Variants in KPNA7 observed in about 807,000 individuals in gnomAD.
KPNA7 encodes the protein importin subunit alpha-8.
KPNA7 carries 54 observed loss-of-function variants against 53.7 expected under a neutral mutation model. The ratio of observed to expected loss-of-function variants is 1.01; its 90% confidence interval spans 0.81 to 1.26. The LOEUF (loss-of-function observed/expected upper bound fraction) is 1.26. KPNA7 is among the 50% of genes most tolerant of loss of function. The pLI, the probability that KPNA7 is intolerant of heterozygous loss-of-function variation, is 0.00. For missense variants in KPNA7, 640 were observed against 644.5 expected, an observed-to-expected ratio of 0.99 and a Z score of 0.07; for synonymous variants, 276 against 259.3, an observed-to-expected ratio of 1.06 and a Z score of -0.62.
intron 3 of KPNA7, among the ~76,000 whole-genome samples, chr7:99,198,080 A>G (rs1211068636): frequency 6.6e-6 from 1 of 152,204 alleles, no homozygotes; most frequent in Admixed American, 6.5e-5. Flanking sequence ...CCAGCAAAAG[A>G]GAAGCAATTC....
At chr7:99,146,832 C>T in the KPNA7 span, among the ~76,000 whole-genome samples, 5 of 150,724 alleles carry the variant, frequency 3.3e-5, no homozygotes, top group Non-Finnish European at 7.4e-5. Context: ...AGAACACTTT[C>T]ATTACCATAC....
In KPNA7 at chr7:99,173,733, T is replaced by C; in HGVS notation, c.1526A>G (p.Asp509Gly). The C allele has an allele frequency of 6.4e-7, 1 of 1,551,606 alleles. No homozygotes were observed. Among genetic ancestry groups the C allele is most frequent in the Non-Finnish European group, 8.7e-7 (1 of 1,146,714 alleles). Residue 509 changes from aspartate to glycine, a missense_variant, in exon 11 of 11, where the codon GAT (aspartate) becomes GGT (glycine). By Grantham distance (94) the Asp-to-Gly change is moderately conservative (BLOSUM62 -1). Coordinates refer to ENST00000327442, the MANE Select transcript of KPNA7 (RefSeq NM_001145715.3). Reference protein sequence around the residue: ...QVIDQDYEFIDYECLAKK With the variant: ...QVIDQDYEFIGYECLAKK ...CTATTTTTTTGCTAAGCATTCATAA[T>C]CTATAAATTCATAATCTTGGTCTAT...
the KPNA7 span, among the ~76,000 whole-genome samples, chr7:99,154,530 C>CTT: frequency 7.0e-6 from 1 of 142,124 alleles, no homozygotes; most frequent in Non-Finnish European, 1.5e-5. Flanking sequence ...AAACTTAGGT[C>CTT]TTTTTTTTTT....
the KPNA7 span, among the ~76,000 whole-genome samples, chr7:99,162,944 G>C: frequency 6.6e-6 from 1 of 152,162 alleles, no homozygotes; most frequent in African/African-American, 2.4e-5. Context: ...ACTTTGGGAG[G>C]CTGACACAGG....
intron 3 of KPNA7, 108 bp from the exon 4 acceptor site, chr7:99,196,274 T>G: frequency 1.4e-6 from 1 of 721,860 alleles, no homozygotes; most frequent in Non-Finnish European, 2.4e-6. Context: ...TTGAACAGGA[T>G]GTCCCATCTT....
chr7:99,180,183 G>A (rs543138201), intron 9 of KPNA7, among the ~76,000 whole-genome samples: 2 of 152,278 alleles, frequency 1.3e-5, no homozygotes, highest in South Asian at 2.1e-4. Flanking sequence ...GTGACTTCCC[G>A]GTCATCGTGT....
At chr7:99,167,981 T>TCCCCCCCCC in the KPNA7 span, among the ~76,000 whole-genome samples, 158 of 137,348 alleles carry the variant, frequency 1.2e-3, no homozygotes, top group Non-Finnish European at 1.4e-3. Flanking sequence ...CCCAAACCAT[T>TCCCCCCCCC]CCCCCACCCC....
chr7:99,189,492 A>G (rs1456223526), intron 6 of KPNA7, among the ~76,000 whole-genome samples: 1 of 152,120 alleles, frequency 6.6e-6, no homozygotes, highest in Non-Finnish European at 1.5e-5. Flanking sequence ...CAGTAAGGAA[A>G]CATACCCTGG....
intron 9 of KPNA7, among the ~76,000 whole-genome samples, chr7:99,181,146 TCTCCGTCTGTGTCTCTCTCTCC>T (rs1159034744): frequency 7.2e-4 from 66 of 91,080 alleles, no homozygotes; most frequent in South Asian, 2.6e-3. Flanking sequence ...TGTGTCTCTC[TCTCCGTCTGTGTCTCTCTCTCC>T]GTCTGTGTCT....
At chr7:99,209,482 G>A (rs1048741401), upstream of KPNA7, among the ~76,000 whole-genome samples, 3 of 151,842 alleles carry the variant, frequency 2.0e-5, no homozygotes, top group Non-Finnish European at 2.9e-5. Flanking sequence ...TCAGGAGTTC[G>A]AGACCAGCCA....
chr7:99,174,392 G>A (rs1798830090), intron 10 of KPNA7, among the ~76,000 whole-genome samples: 2 of 152,118 alleles, frequency 1.3e-5, no homozygotes, highest in African/African-American at 4.8e-5. Flanking sequence ...TTACCATGTA[G>A]TAATATAAAG....
intron 3 of KPNA7, among the ~76,000 whole-genome samples, chr7:99,201,244 G>A (rs142283543): frequency 6.6e-6 from 1 of 152,268 alleles, no homozygotes; most frequent in Non-Finnish European, 1.5e-5. Context: ...TCTATTTGAG[G>A]TGATGAATAG....
intron 1 of KPNA7, among the ~76,000 whole-genome samples, chr7:99,215,245 G>A (rs1032041475): frequency 2.0e-5 from 3 of 151,604 alleles, no homozygotes; most frequent in Non-Finnish European, 4.4e-5. Flanking sequence ...GGTGGTGGGC[G>A]CCTGTAATCT....
At chr7:99,198,590 A>G (rs1790348378) in intron 3 of KPNA7, among the ~76,000 whole-genome samples, 1 of 152,176 alleles carries the variant, frequency 6.6e-6, no homozygotes, top group African/African-American at 2.4e-5. Context: ...TCCATAATAA[A>G]AAAAAACACT....
chr7:99,173,079 AAAAAAG>A (rs936885933), downstream of KPNA7, among the ~76,000 whole-genome samples: 6 of 150,654 alleles, frequency 4.0e-5, no homozygotes, highest in South Asian at 2.1e-4. Flanking sequence ...AAAAAAAAAA[AAAAAAG>A]AAAAAGAAAA....
At chr7:99,217,819 C>T (rs1791251245) in intron 1 of KPNA7, among the ~76,000 whole-genome samples, 1 of 151,650 alleles carries the variant, frequency 6.6e-6, no homozygotes, top group Non-Finnish European at 1.5e-5. Context: ...TTACTAGAGA[C>T]AGAGTTTCAT....
chr7:99,198,954 C>G (rs895524889), intron 3 of KPNA7, among the ~76,000 whole-genome samples: 1 of 150,316 alleles, frequency 6.7e-6, no homozygotes, highest in South Asian at 2.1e-4. Flanking sequence ...TCTTTACATG[C>G]TAGCAGTGAT....
upstream of KPNA7, among the ~76,000 whole-genome samples, chr7:99,208,978 C>T (rs1362226432): frequency 1.3e-5 from 2 of 151,912 alleles, no homozygotes; most frequent in African/African-American, 4.8e-5. Flanking sequence ...ATGGGGAAAC[C>T]CCATCTCTAC....
chr7:99,187,796 TTTTAAAAA>T (rs1789680923), intron 7 of KPNA7, among the ~76,000 whole-genome samples: 9 of 30,738 alleles, frequency 2.9e-4, no homozygotes, highest in South Asian at 2.3e-3. Flanking sequence ...CGGCCTTTTT[TTTTAAAAA>T]AAAAAAAAAA....
Sources: gnomAD v4.1 joint callset for allele counts (sites outside exome capture counted in the v4.1 genomes callset) on GRCh38, gnomAD v4.1.1 for gene constraint, MANE v1.5 for transcripts, NCBI Gene and HGNC (gene_info 2026-07-23, HGNC 2026-07-21) for gene names.